The following BTLA variants were observed in gnomAD, a reference collection of about 807,000 sequenced individuals.
The protein encoded by BTLA is B and T lymphocyte associated.
A neutral mutation model predicts 25.0 loss-of-function variants in BTLA; 11 were observed. The observed-to-expected ratio is 0.44, with a 90% CI of 0.28 to 0.73. BTLA has a LOEUF of 0.73. BTLA is among the 30% of genes least tolerant of loss of function. The pLI is 0.15. For synonymous variants in BTLA, 104 were observed against 119.8 expected, an observed-to-expected ratio of 0.87 and a Z score of 0.86; for missense variants, 282 against 332.8, an observed-to-expected ratio of 0.85 and a Z score of 1.19.
chr3:112,499,524 G>A (rs2082430788), upstream of BTLA: 1 of 548,482 alleles, frequency 1.8e-6, no homozygotes, highest in Non-Finnish European at 3.2e-6. Context: ...AGTAGGAAGA[G>A]CCTGGATGAT....
chr3:112,470,691 G>A (rs1420897655), intron 3 of BTLA, among the ~76,000 whole-genome samples: 1 of 152,104 alleles, frequency 6.6e-6, no homozygotes, highest in Non-Finnish European at 1.5e-5. Flanking sequence ...ATTATTGTTG[G>A]GTAAGAATTC....
intron 1 of BTLA, among the ~76,000 whole-genome samples, chr3:112,491,694 T>C (rs993434940): frequency 2.0e-5 from 3 of 152,184 alleles, no homozygotes; most frequent in African/African-American, 7.2e-5. Context: ...GTACCAGATA[T>C]TATTATGTTT....
At chr3:112,484,796 G>A (rs1320315343) in intron 1 of BTLA, among the ~76,000 whole-genome samples, 2 of 152,178 alleles carry the variant, frequency 1.3e-5, no homozygotes, top group African/African-American at 4.8e-5. Context: ...AAACATTGCA[G>A]TTCCTAAATA....
In BTLA at chr3:112,466,054, A is replaced by G. The variant is rs1186165477; in HGVS notation, c.*54T>C. ...ATTTGACATCCTGTTGAGCCCAGAC[A>G]ATGATGTCAACATGCTGATCATTCA... On this transcript the variant is annotated 3_prime_UTR_variant, in exon 5 of 5. Coordinates refer to ENST00000334529, the MANE Select transcript of BTLA (RefSeq NM_181780.4). 1 of 1,467,782 alleles carries G rather than the reference A, an allele frequency of 6.8e-7. No homozygotes were observed. The highest frequency in any genetic ancestry group is 2.3e-5 in the East Asian group (1 of 43,072). The allele number at this position is 1,467,782 out of a possible 1,614,324, so 90.9% of individuals were successfully genotyped here. A position where few individuals can be genotyped will look rare whatever the true frequency, so the allele number is the denominator to read the frequency against.
At chr3:112,481,682 C>T (rs2082318976) in intron 1 of BTLA, among the ~76,000 whole-genome samples, 1 of 152,226 alleles carries the variant, frequency 6.6e-6, no homozygotes, top group Non-Finnish European at 1.5e-5. Flanking sequence ...TCCCTTCTAT[C>T]CATATTAATC....
chr3:112,470,075 C>T (rs1027194647), intron 3 of BTLA: 2 of 302,726 alleles, frequency 6.6e-6, no homozygotes, highest in African/African-American at 4.3e-5. Context: ...ACTGGAAGTC[C>T]TTGCTCTGGG....
intron 1 of BTLA, among the ~76,000 whole-genome samples, chr3:112,493,514 G>T (rs2952323): frequency 2.6e-5 from 4 of 151,144 alleles, no homozygotes; most frequent in African/African-American, 4.8e-5. Context: ...AGTTCTCTCT[G>T]TTTTTTTTTG....
intron 1 of BTLA, among the ~76,000 whole-genome samples, chr3:112,484,709 C>G (rs1391514664): frequency 2.0e-5 from 3 of 152,116 alleles, no homozygotes; most frequent in African/African-American, 7.2e-5. Flanking sequence ...CGGAGCAGTG[C>G]GCAAAGTGGG....
At chr3:112,476,887 T>C (rs1397288182) in intron 2 of BTLA, among the ~76,000 whole-genome samples, 2 of 152,196 alleles carry the variant, frequency 1.3e-5, no homozygotes, top group African/African-American at 4.8e-5. Context: ...AGCTACTTTC[T>C]GTCTCTATGG....
Position 112,470,999 on chromosome 3 carries a change from G to A in BTLA, c.547+213C>T, listed in dbSNP as rs181574677. ...CACAACTCTAGCTGGAATACTGTGC[G>A]TGGTGAGCATGCCTCTCCCGTGACT... On this transcript the variant is annotated intron_variant, in intron 3 of 4. Coordinates refer to ENST00000334529, the MANE Select transcript of BTLA (RefSeq NM_181780.4). 5.9e-3 allele frequency among the ~76,000 whole-genome samples: 904 copies of A among 152,330 alleles called. 3 individuals carry two copies. Among genetic ancestry groups the A allele is most frequent in the Middle Eastern group, 0.02 (6 of 294 alleles).
intron 2 of BTLA, among the ~76,000 whole-genome samples, 190 bp from the exon 3 acceptor site, chr3:112,471,545 G>T (rs2082262085): frequency 6.6e-6 from 1 of 152,158 alleles, no homozygotes; most frequent in Non-Finnish European, 1.5e-5. Flanking sequence ...AGCAGACGTG[G>T]CTCTGCGATA....
At chr3:112,496,821 G>A (rs1467194741) in intron 1 of BTLA, among the ~76,000 whole-genome samples, 1 of 151,906 alleles carries the variant, frequency 6.6e-6, no homozygotes, top group Admixed American at 6.6e-5. Flanking sequence ...TCTGCCTCCT[G>A]GGTTCAAGCT....
intron 1 of BTLA, among the ~76,000 whole-genome samples, chr3:112,483,039 TA>T (rs1206784788): frequency 6.6e-6 from 1 of 151,232 alleles, no homozygotes; most frequent in African/African-American, 2.4e-5. Context: ...GCTAGAATTA[TA>T]AAAAACAATG....
chr3:112,484,163 C>T (rs1171490637), intron 1 of BTLA, among the ~76,000 whole-genome samples: 1 of 152,026 alleles, frequency 6.6e-6, no homozygotes, highest in Non-Finnish European at 1.5e-5. Flanking sequence ...TCTTAGGGAC[C>T]AGGAATCTCA....
Position 112,465,990 on chromosome 3 carries a change from A to T in BTLA, c.*118T>A. On this transcript the variant is annotated 3_prime_UTR_variant, in exon 5 of 5. Coordinates refer to ENST00000334529, the MANE Select transcript of BTLA (RefSeq NM_181780.4). ...CCCTTAAGACCCAAGCACTAACATG[A>T]ACATTTCTAAAGTAAAAATTCTCAA... is the stretch of plus-strand genomic sequence containing the variant. 1 of 1,200,484 alleles carries T rather than the reference A, an allele frequency of 8.3e-7. No individual in the cohort carries two copies. The allele number at this position is 1,200,484 out of a possible 1,614,324, so 74.4% of individuals were successfully genotyped here.
Position 112,479,690 on chromosome 3 carries a change from T to C in BTLA, c.168A>G (p.Leu56=), listed in dbSNP as rs1224818454. The C allele has an allele frequency of 6.2e-7, 1 of 1,614,048 alleles. No homozygotes were observed. The highest frequency in any genetic ancestry group is 8.5e-7 in the Non-Finnish European group (1 of 1,179,898). ...TAGCACAGTATTTCACAGGGCATTC[T>C]AGTTCAAAGGGATCTCCTGCTAAGA... is the stretch of plus-strand genomic sequence containing the variant. ...HSILAGDPFE[L]ECPVKYCANR... Residue 56 remains leucine (L), a synonymous_variant, in exon 2 of 5, where the codon CTA becomes CTG. Coordinates refer to ENST00000334529, the MANE Select transcript of BTLA (RefSeq NM_181780.4).
chr3:112,479,141 G>A (rs567457236), intron 2 of BTLA, among the ~76,000 whole-genome samples: 20 of 151,522 alleles, frequency 1.3e-4, no homozygotes, highest in African/African-American at 4.6e-4. Flanking sequence ...CGCAACTATA[G>A]GTATTCACTT....
chr3:112,486,640 G>T (rs2082349492), intron 1 of BTLA, among the ~76,000 whole-genome samples: 1 of 152,058 alleles, frequency 6.6e-6, no homozygotes. Flanking sequence ...ATTCTGCAAA[G>T]ATACAATTTA....
chr3:112,483,492 A>G (rs1457963622), intron 1 of BTLA, among the ~76,000 whole-genome samples: 1 of 152,020 alleles, frequency 6.6e-6, no homozygotes, highest in Non-Finnish European at 1.5e-5. Context: ...TCAATTTACT[A>G]TATACCAGTC....
Sources: allele counts gnomAD v4.1 joint callset (sites outside exome capture counted in the v4.1 genomes callset), GRCh38; gene constraint gnomAD v4.1.1; transcripts MANE v1.5; gene names NCBI Gene and HGNC (gene_info 2026-07-23, HGNC 2026-07-21).